Variants in TMEM144 observed in about 807,000 individuals in gnomAD.
The protein encoded by TMEM144 is transmembrane protein 144.
Under a neutral mutation model 43.6 loss-of-function variants are expected in TMEM144, and 39 were observed. The observed-to-expected ratio is 0.90, with a 90% CI of 0.69 to 1.17. TMEM144 has a LOEUF of 1.17. TMEM144 is among the 50% of genes most tolerant of loss of function. The probability of loss-of-function intolerance (pLI) is 0.00; values close to 1 mark genes in which losing one functional copy is unlikely to be tolerated. For missense variants in TMEM144, 417 were observed against 411.9 expected, an observed-to-expected ratio of 1.01 and a Z score of -0.11; for synonymous variants, 154 against 133.6, an observed-to-expected ratio of 1.15 and a Z score of -1.06.
intron 6 of TMEM144, among the ~76,000 whole-genome samples, chr4:158,227,043 C>T (rs1008856488): frequency 2.0e-5 from 3 of 151,306 alleles, no homozygotes; most frequent in Non-Finnish European, 2.9e-5. Context: ...TGTTGAAAAC[C>T]TTGTAAGTTT....
At chr4:158,237,501 A>AT in intron 8 of TMEM144, 24 bp from the exon 9 acceptor site, 1 of 1,553,302 alleles carries the variant, frequency 6.4e-7, no homozygotes, top group South Asian at 1.1e-5. Flanking sequence ...GCCAAGATTA[A>AT]TAGTGATTTA....
At chr4:158,215,150 A>G (rs755870918) in intron 3 of TMEM144, 41 bp from the exon 4 acceptor site, 14 of 1,612,304 alleles carry the variant, frequency 8.7e-6, no homozygotes, top group Non-Finnish European at 1.1e-5. Context: ...AATTTACTCA[A>G]TTCAATTTGA....
chr4:158,225,050 T>C (rs1322545729), intron 6 of TMEM144, among the ~76,000 whole-genome samples: 1 of 152,210 alleles, frequency 6.6e-6, no homozygotes, highest in African/African-American at 2.4e-5. Context: ...CTAGCATTCA[T>C]TGGCTAGTAA....
intron 6 of TMEM144, among the ~76,000 whole-genome samples, chr4:158,224,194 A>G (rs1384023804): frequency 6.6e-6 from 1 of 152,100 alleles, no homozygotes; most frequent in Non-Finnish European, 1.5e-5. Flanking sequence ...TTTGTTGGTC[A>G]TGCAAATGTC....
At chr4:158,244,437 C>CGAGGCAGGTGGATCGT in intron 12 of TMEM144, 88 bp downstream of exon 12, 1 of 1,054,212 alleles carries the variant, frequency 9.5e-7, no homozygotes, top group East Asian at 2.5e-5. Context: ...TTTGGGAGGC[C>CGAGGCAGGTGGATCGT]GAGGCAGGTG....
At chr4:158,248,123 TAAAAAAAAA>T (rs753919532) in intron 12 of TMEM144, among the ~76,000 whole-genome samples, 2 of 99,632 alleles carry the variant, frequency 2.0e-5, no homozygotes, top group Non-Finnish European at 4.3e-5. Flanking sequence ...AGCAAAGAAT[TAAAAAAAAA>T]AAAAAAAAAA....
intron 12 of TMEM144, 148 bp downstream of exon 12, chr4:158,244,497 C>T (rs1025220044): frequency 9.3e-5 from 54 of 581,436 alleles, no homozygotes; most frequent in African/African-American, 3.6e-4. Context: ...TGGTGAAACC[C>T]CGTCTCTACT....
intron 4 of TMEM144, 66 bp from the exon 5 acceptor site, chr4:158,217,253 CTA>C: frequency 8.9e-7 from 1 of 1,122,514 alleles, no homozygotes; most frequent in South Asian, 1.6e-5. Flanking sequence ...AGAATAAAAA[CTA>C]ATTCTATTTA....
intron 9 of TMEM144, among the ~76,000 whole-genome samples, chr4:158,239,381 C>T (rs972053175): frequency 6.6e-6 from 1 of 152,206 alleles, no homozygotes; most frequent in Non-Finnish European, 1.5e-5. Flanking sequence ...TGGCCACAGT[C>T]CCATCTGCTT....
intron 12 of TMEM144, among the ~76,000 whole-genome samples, chr4:158,250,195 CATATATAT>C (rs5863314): frequency 0.075 from 10,135 of 135,372 alleles, 436 homozygotes; most frequent in Middle Eastern, 0.097. Context: ...TAATACATAA[CATATATAT>C]ATATATATAT....
intron 5 of TMEM144, 100 bp from the exon 6 acceptor site, chr4:158,219,210 G>A: frequency 3.7e-6 from 4 of 1,084,854 alleles, no homozygotes; most frequent in East Asian, 2.4e-5. Flanking sequence ...GAGAGAGCTA[G>A]CATTTGAACC....
At chr4:158,217,141 A>G (rs896446255) in intron 4 of TMEM144, among the ~76,000 whole-genome samples, 180 bp from the exon 5 acceptor site, 11 of 152,176 alleles carry the variant, frequency 7.2e-5, no homozygotes, top group Non-Finnish European at 5.9e-5. Context: ...TTTAGCACAC[A>G]TACTCATAAA....
chr4:158,248,113 A>C (rs2111153438), intron 12 of TMEM144, among the ~76,000 whole-genome samples: 1 of 148,878 alleles, frequency 6.7e-6, no homozygotes, highest in East Asian at 2.0e-4. Context: ...CCAAGCTGAA[A>C]GCAAAGAATT....
rs181765686 is a variant in TMEM144 at position 158,226,841 on chromosome 4, A to G, written c.414-6060A>G. Among the ~76,000 whole-genome samples the G allele has an allele frequency of 2.7e-3, 411 of 152,250 alleles. 2 individuals are homozygous for G. The highest frequency in any genetic ancestry group is 9.5e-3 in the African/African-American group (396 of 41,552). On this transcript the variant is annotated intron_variant, in intron 6 of 12. Coordinates refer to ENST00000296529, the MANE Select transcript of TMEM144 (RefSeq NM_018342.5). ...ACCAGTTAATTTATTTCAGGGCAAG[A>G]ATTTACCATATAATACTCTTTTTAC... is the stretch of plus-strand genomic sequence containing the variant.
chr4:158,230,584 A>AATAT (rs148492299), intron 6 of TMEM144, among the ~76,000 whole-genome samples: 8 of 149,202 alleles, frequency 5.4e-5, no homozygotes, highest in African/African-American at 2.0e-4. Flanking sequence ...TAACCTTACA[A>AATAT]ATATATATAT....
chr4:158,237,703 TTG>T, intron 9 of TMEM144, 60 bp downstream of exon 9: 1 of 1,164,328 alleles, frequency 8.6e-7, no homozygotes, highest in Non-Finnish European at 1.2e-6. Flanking sequence ...ATAAAAAGAA[TTG>T]TGATAATAGT....
chr4:158,246,125 G>C (rs1735882210), intron 12 of TMEM144, among the ~76,000 whole-genome samples: 1 of 152,166 alleles, frequency 6.6e-6, no homozygotes, highest in South Asian at 2.1e-4. Context: ...ATTTTAAAAT[G>C]TTTAATCTTT....
chr4:158,226,661 GGAGGCCTAGCTACTTTTAAATTA>G (rs1424038609), intron 6 of TMEM144, among the ~76,000 whole-genome samples: 1 of 151,834 alleles, frequency 6.6e-6, no homozygotes, highest in Non-Finnish European at 1.5e-5. Flanking sequence ...TTTACATTCA[GGAGGCCTAGCTACTTTTAAATTA>G]TACAACATTT....
intron 6 of TMEM144, among the ~76,000 whole-genome samples, chr4:158,221,689 C>T (rs1734517747): frequency 6.6e-6 from 1 of 152,182 alleles, no homozygotes; most frequent in Admixed American, 6.5e-5. Flanking sequence ...GTTATGTTTA[C>T]TCCACAGCTT....
Sources: gnomAD v4.1 joint callset for allele counts (sites outside exome capture counted in the v4.1 genomes callset) on GRCh38, gnomAD v4.1.1 for gene constraint, MANE v1.5 for transcripts, NCBI Gene and HGNC (gene_info 2026-07-23, HGNC 2026-07-21) for gene names.